The following NRP1 variants were observed in gnomAD, a reference collection of about 807,000 sequenced individuals.
The protein encoded by NRP1 is neuropilin-1.
Under a neutral mutation model 106.7 loss-of-function variants are expected in NRP1, and 35 were observed. The ratio of observed to expected loss-of-function variants is 0.33; its 90% CI spans 0.25 to 0.43. NRP1 has a LOEUF of 0.43. Among genes scored for constraint, NRP1 ranks in the 20% least tolerant of loss-of-function variants. The pLI is 1.00. For missense variants in NRP1, 1,024 were observed against 1,170.4 expected (o/e 0.87, Z 1.83); for synonymous variants, 437 against 417.9 (o/e 1.05, Z -0.56).
intron 2 of NRP1, among the ~76,000 whole-genome samples, chr10:33,296,924 G>A (rs1302290568): frequency 2.0e-5 from 3 of 151,984 alleles, no homozygotes; most frequent in Non-Finnish European, 4.4e-5. Context: ...AGCTACTTGA[G>A]AGGCTTAAGC....
intron 15 of NRP1, among the ~76,000 whole-genome samples, chr10:33,184,022 T>A (rs1458008577): frequency 6.6e-6 from 1 of 152,008 alleles, no homozygotes; most frequent in South Asian, 2.1e-4. Context: ...TTCTTTTTTC[T>A]TTTTTTTGAA....
intron 6 of NRP1, among the ~76,000 whole-genome samples, chr10:33,232,469 G>A (rs970439227): frequency 6.6e-6 from 1 of 152,016 alleles, no homozygotes; most frequent in African/African-American, 2.4e-5. Flanking sequence ...TGATGGCGGT[G>A]GGCAGGGATG....
At chr10:33,257,637 A>AC (rs1842288330) in intron 4 of NRP1, among the ~76,000 whole-genome samples, 1 of 36,340 alleles carries the variant, frequency 2.8e-5, no homozygotes, top group Non-Finnish European at 5.5e-5. Context: ...AAAAACACAC[A>AC]AAAAAAACAA....
chr10:33,301,582 G>T (rs1318490283), intron 2 of NRP1, among the ~76,000 whole-genome samples: 1 of 152,074 alleles, frequency 6.6e-6, no homozygotes, highest in East Asian at 1.9e-4. Context: ...GGAAAAAGAC[G>T]ATCACGGTCC....
At chr10:33,296,002 T>C (rs1049696859) in intron 2 of NRP1, among the ~76,000 whole-genome samples, 2 of 152,192 alleles carry the variant, frequency 1.3e-5, no homozygotes, top group Non-Finnish European at 2.9e-5. Context: ...TGTTGTCATC[T>C]GAGTGTTTGG....
chr10:33,199,233 G>C (rs764334083), intron 11 of NRP1, among the ~76,000 whole-genome samples: 68 of 151,060 alleles, frequency 4.5e-4, no homozygotes, highest in Non-Finnish European at 3.8e-4. Context: ...GAGTCTTGCT[G>C]TCACCCAGGC....
At chr10:33,312,541 G>A (rs530615494) in intron 2 of NRP1, among the ~76,000 whole-genome samples, 15 of 152,314 alleles carry the variant, frequency 9.8e-5, no homozygotes, top group African/African-American at 3.1e-4. Context: ...GAATCTGAAC[G>A]TGGTATTTAC....
chr10:33,226,143 G>T lies in NRP1; in HGVS notation c.1128C>A (p.Asn376Lys). 1 of 1,614,122 alleles carries T rather than the reference G, an allele frequency of 6.2e-7. No homozygotes were observed. Among genetic ancestry groups the T allele is most frequent in the Non-Finnish European group, 8.5e-7 (1 of 1,179,978 alleles). The change falls in exon 7 of 17, where the codon AAC becomes AAA. Residue 376 changes from asparagine to lysine, a missense_variant. By Grantham distance (94) the Asn-to-Lys change is moderately conservative. Coordinates refer to ENST00000374867, the MANE Select transcript of NRP1 (RefSeq NM_003873.7). ...TGGCAGCCTAACTTACAACAGGTTT[G>T]TTTCCTTCTTTTATGGTGATCCAGT... ...GEDWITIKEG[N>K]KPVLFQGNTN...
At chr10:33,252,996 GT>G (rs35881919) in intron 6 of NRP1, among the ~76,000 whole-genome samples, 2,549 of 144,884 alleles carry the variant, frequency 0.018, 25 homozygotes, top group Non-Finnish European at 0.025. Flanking sequence ...TCATCTTGTG[GT>G]TTTTTTTTTT....
chr10:33,328,298 T>G (rs1848038290), intron 2 of NRP1, among the ~76,000 whole-genome samples: 1 of 151,584 alleles, frequency 6.6e-6, no homozygotes, highest in Admixed American at 6.6e-5. Context: ...TACTGTGAGC[T>G]AGACACCATT....
intron 5 of NRP1, 149 bp downstream of exon 5, chr10:33,256,167 T>C: frequency 1.4e-6 from 1 of 730,562 alleles, no homozygotes; most frequent in Non-Finnish European, 2.2e-6. Context: ...CTATTGATAC[T>C]CATAAAAAAA....
chr10:33,280,982 A>G (rs564619183), intron 2 of NRP1, among the ~76,000 whole-genome samples: 9 of 151,924 alleles, frequency 5.9e-5, no homozygotes, highest in Admixed American at 1.3e-4. Flanking sequence ...AAAGAAAAAA[A>G]AAAAAGACAA....
At chr10:33,205,775 T>C (rs562685859) in intron 10 of NRP1, 33 of 157,686 alleles carry the variant, frequency 2.1e-4, no homozygotes, top group South Asian at 7.7e-4. Context: ...CAGAAGCAAT[T>C]TGGGGAGGTT....
intron 13 of NRP1, among the ~76,000 whole-genome samples, chr10:33,187,866 C>T (rs569478839): frequency 7.9e-5 from 12 of 152,296 alleles, no homozygotes; most frequent in East Asian, 1.9e-4. Context: ...TGGATGTGGA[C>T]GTGTTCATGG....
chr10:33,301,805 G>T (rs1010956423), intron 2 of NRP1, among the ~76,000 whole-genome samples: 2 of 152,060 alleles, frequency 1.3e-5, no homozygotes, highest in African/African-American at 4.8e-5. Context: ...TGAGCGATTC[G>T]TTTTTTAAAA....
chr10:33,188,559 G>A (rs1836176005), intron 13 of NRP1, among the ~76,000 whole-genome samples: 1 of 151,984 alleles, frequency 6.6e-6, no homozygotes, highest in South Asian at 2.1e-4. Context: ...TATGGTCCCT[G>A]CCTTCTCACA....
chr10:33,284,639 T>G (rs1844383124), intron 2 of NRP1, among the ~76,000 whole-genome samples: 1 of 152,256 alleles, frequency 6.6e-6, no homozygotes, highest in Non-Finnish European at 1.5e-5. Flanking sequence ...TAATCTATTG[T>G]GTTTACTCCC....
chr10:33,322,262 T>C (rs1164024349), intron 2 of NRP1, among the ~76,000 whole-genome samples: 2 of 152,118 alleles, frequency 1.3e-5, no homozygotes, highest in Admixed American at 1.3e-4. Context: ...TAAATAAACA[T>C]TGTATTTATA....
chr10:33,256,980 G>A (rs1289148660), intron 4 of NRP1, among the ~76,000 whole-genome samples: 1 of 152,138 alleles, frequency 6.6e-6, no homozygotes, highest in Non-Finnish European at 1.5e-5. Flanking sequence ...CCTGCAATTG[G>A]CTTCCTCATG....
Sources: allele counts gnomAD v4.1 joint callset (sites outside exome capture counted in the v4.1 genomes callset), GRCh38; gene constraint gnomAD v4.1.1; transcripts MANE v1.5; gene names NCBI Gene and HGNC (gene_info 2026-07-23, HGNC 2026-07-21).